TRAPPC8: variants seen among roughly 807,000 people sequenced by gnomAD.
The protein encoded by TRAPPC8 is trafficking protein particle complex subunit 8.
TRAPPC8 carries 54 observed loss-of-function variants against 174.3 expected under a neutral mutation model. That is an observed-to-expected ratio of 0.31 (90% confidence interval 0.25 to 0.39). The LOEUF is 0.39. Among genes scored for constraint, TRAPPC8 ranks in the 10% least tolerant of loss-of-function variants. The pLI is 1.00. For missense variants in TRAPPC8, 1,531 were observed against 1,699.1 expected (o/e 0.90, Z 1.74); for synonymous variants, 630 against 579.9 (o/e 1.09, Z -1.24).
At chr18:31,875,986 G>A (rs1246957905) in intron 12 of TRAPPC8, among the ~76,000 whole-genome samples, 4 of 152,170 alleles carry the variant, frequency 2.6e-5, no homozygotes, top group East Asian at 3.9e-4. Context: ...AAGACCTAGC[G>A]TTAGACAGAT....
At chr18:31,942,223 T>A (rs2038375699) in intron 1 of TRAPPC8, among the ~76,000 whole-genome samples, 1 of 152,208 alleles carries the variant, frequency 6.6e-6, no homozygotes, top group South Asian at 2.1e-4. Context: ...TCTTCCTTAC[T>A]CAGACCCTGT....
chr18:31,902,320 G>A (rs764364366), intron 9 of TRAPPC8, among the ~76,000 whole-genome samples: 1 of 152,100 alleles, frequency 6.6e-6, no homozygotes, highest in Non-Finnish European at 1.5e-5. Flanking sequence ...AACAGAGTGA[G>A]ATTCGGTCTC....
At chr18:31,925,595 A>G (rs957380759) in intron 2 of TRAPPC8, among the ~76,000 whole-genome samples, 1 of 152,230 alleles carries the variant, frequency 6.6e-6, no homozygotes, top group African/African-American at 2.4e-5. Flanking sequence ...TAACAAAGAA[A>G]GAATACAAGA....
intron 1 of TRAPPC8, among the ~76,000 whole-genome samples, chr18:31,938,948 C>T (rs535057195): frequency 3.4e-4 from 52 of 152,150 alleles, no homozygotes; most frequent in African/African-American, 1.1e-3. Flanking sequence ...AGCATGGTGG[C>T]ACGAGCCTGT....
chr18:31,854,965 C>CAAAA (rs71175798), intron 21 of TRAPPC8, among the ~76,000 whole-genome samples: 47 of 45,592 alleles, frequency 1.0e-3, no homozygotes, highest in Non-Finnish European at 1.3e-3. Flanking sequence ...GACTCCATCT[C>CAAAA]AAAAAAAAAA....
chr18:31,871,479 T>TA (rs995481676), intron 14 of TRAPPC8, among the ~76,000 whole-genome samples: 162 of 148,336 alleles, frequency 1.1e-3, no homozygotes, highest in African/African-American at 2.2e-3. Context: ...ATATTTTTAA[T>TA]AAAAAAAAAA....
chr18:31,936,124 A>G (rs2038087138), intron 1 of TRAPPC8, among the ~76,000 whole-genome samples: 1 of 151,706 alleles, frequency 6.6e-6, no homozygotes, highest in South Asian at 2.1e-4. Flanking sequence ...CTAAGGTAGG[A>G]GGATCTTGTA....
At chr18:31,909,375 C>T (rs2036810902) in intron 6 of TRAPPC8, among the ~76,000 whole-genome samples, 1 of 151,760 alleles carries the variant, frequency 6.6e-6, no homozygotes, top group Admixed American at 6.6e-5. Flanking sequence ...AGAAATAAAG[C>T]TCTCAAAATC....
Position 31,870,364 on chromosome 18 carries a change from T to G in TRAPPC8, c.2388+8A>C. 6.2e-7 allele frequency: 1 copy of G among 1,601,426 alleles called. No homozygotes were observed. The highest frequency in any genetic ancestry group is 8.5e-7 in the Non-Finnish European group (1 of 1,174,834). ...AAACATAATTACAAATACCTTTTAATAACTTACTAGTTGTTTAACTTCTTC... is the reference window on the plus strand; with the variant it reads ...AAACATAATTACAAATACCTTTTAAGAACTTACTAGTTGTTTAACTTCTTC... On this transcript the variant is annotated splice_region_variant and intron_variant, in intron 16 of 28. Coordinates refer to ENST00000283351, the MANE Select transcript of TRAPPC8 (RefSeq NM_014939.5).
intron 25 of TRAPPC8, among the ~76,000 whole-genome samples, chr18:31,847,115 G>A (rs1366027079): frequency 6.6e-6 from 1 of 152,166 alleles, no homozygotes; most frequent in African/African-American, 2.4e-5. Flanking sequence ...AAAGAACTGT[G>A]CTATAACACA....
chr18:31,903,495 C>T (rs563263299), intron 9 of TRAPPC8, among the ~76,000 whole-genome samples: 1 of 152,096 alleles, frequency 6.6e-6, no homozygotes, highest in Admixed American at 6.6e-5. Flanking sequence ...CTGTTCTTCC[C>T]TAACCTTCAA....
chr18:31,871,859 T>A (rs868343334), intron 14 of TRAPPC8, among the ~76,000 whole-genome samples: 58 of 150,000 alleles, frequency 3.9e-4, no homozygotes, highest in Middle Eastern at 3.4e-3. Flanking sequence ...TATGACAATT[T>A]AAAAAAAAAA....
chr18:31,928,338 C>A (rs1463365656), intron 2 of TRAPPC8, among the ~76,000 whole-genome samples: 1 of 101,168 alleles, frequency 9.9e-6, no homozygotes, highest in African/African-American at 8.8e-5. Context: ...CTTATCTCTA[C>A]ACACACACAC....
chr18:31,904,966 G>A (rs1210894526), intron 9 of TRAPPC8, among the ~76,000 whole-genome samples: 1 of 151,168 alleles, frequency 6.6e-6, no homozygotes, highest in Non-Finnish European at 1.5e-5. Flanking sequence ...GGAGGTGGAG[G>A]ATGCAGTGAG....
At chr18:31,913,568 C>T in intron 4 of TRAPPC8, 46 bp from the exon 5 acceptor site, 1 of 1,477,198 alleles carries the variant, frequency 6.8e-7, no homozygotes, top group Non-Finnish European at 9.0e-7. Flanking sequence ...GAGGAGCAGG[C>T]CTTAGGCAAT....
chr18:31,862,182 T>C (rs1260311333), intron 19 of TRAPPC8, among the ~76,000 whole-genome samples: 1 of 152,136 alleles, frequency 6.6e-6, no homozygotes, highest in African/African-American at 2.4e-5. Context: ...TCCTGACTCA[T>C]TTCAATTCAT....
intron 9 of TRAPPC8, 81 bp from the exon 10 acceptor site, chr18:31,901,106 AAATTTGCTGTTTTTTTTTT>A (rs2036404698): frequency 7.8e-7 from 1 of 1,285,720 alleles, no homozygotes; most frequent in Admixed American, 2.8e-5. Context: ...AGTTGGAATG[AAATTTGCTGTTTTTTTTTT>A]AACTGGATAC....
At chr18:31,853,799 CA>C (rs879630566) in intron 22 of TRAPPC8, 49 bp downstream of exon 22, 30 of 1,387,980 alleles carry the variant, frequency 2.2e-5, no homozygotes, top group Admixed American at 1.5e-4. Context: ...TCTGGAAAAC[CA>C]AGTAATGAAG....
chr18:31,867,005 T>G, intron 17 of TRAPPC8, 30 bp from the exon 18 acceptor site: 1 of 1,608,542 alleles, frequency 6.2e-7, no homozygotes. Context: ...AGTCTTATTA[T>G]GTTTTCATAA....
Sources: allele counts gnomAD v4.1 joint callset (sites outside exome capture counted in the v4.1 genomes callset), GRCh38; gene constraint gnomAD v4.1.1; transcripts MANE v1.5; gene names NCBI Gene and HGNC (gene_info 2026-07-23, HGNC 2026-07-21).